Variants in IL1R2 observed in about 807,000 individuals in gnomAD.
IL1R2 encodes interleukin 1 receptor type 2.
Under a neutral mutation model 39.5 loss-of-function variants are expected in IL1R2, and 46 were observed. That is an observed-to-expected ratio of 1.16 (90% CI 0.92 to 1.49). IL1R2 has a LOEUF of 1.49. Ranked by LOEUF, IL1R2 falls within the 40% of genes most tolerant of loss-of-function variation. IL1R2 has a pLI of 0.00. For synonymous variants in IL1R2, 207 were observed against 189.6 expected, an observed-to-expected ratio of 1.09 and a Z score of -0.75; for missense variants, 537 against 502.0, an observed-to-expected ratio of 1.07 and a Z score of -0.67.
At chr2:102,014,577 T>G (rs1418439575) in intron 3 of IL1R2, among the ~76,000 whole-genome samples, 1 of 152,206 alleles carries the variant, frequency 6.6e-6, no homozygotes, top group Non-Finnish European at 1.5e-5. Flanking sequence ...AGATATTGGC[T>G]TCATATATTT....
Position 102,019,647 on chromosome 2 carries a change from C to T in IL1R2, c.523C>T (p.Leu175Phe). ...VKIQWYKDSLLLDKDNEKFLS... is the reference protein window; with the variant it reads ...VKIQWYKDSLFLDKDNEKFLS... ...AACATTTTCCCTTAAGGATTCTCTT[C>T]TTTTGGATAAAGACAATGAGAAATT... The change falls in exon 5 of 9, where the codon CTT becomes TTT. Residue 175 changes from leucine (L) to phenylalanine (F), a missense_variant. By Grantham distance (22) the Leu-to-Phe change is conservative (BLOSUM62 0). Coordinates refer to ENST00000332549, the MANE Select transcript of IL1R2 (RefSeq NM_004633.4). 3.7e-6 allele frequency: 6 copies of T among 1,610,536 alleles called. No individual in the cohort carries two copies. Among genetic ancestry groups the T allele is most frequent in the Non-Finnish European group, 5.1e-6 (6 of 1,177,744 alleles).
At chr2:102,002,487 G>GTGTCTGTGTCTC (rs1187313895) in intron 1 of IL1R2, among the ~76,000 whole-genome samples, 5 of 151,404 alleles carry the variant, frequency 3.3e-5, no homozygotes, top group African/African-American at 1.2e-4. Context: ...GTCTGTGTCT[G>GTGTCTGTGTCTC]TGTCTGTGTC....
intron 6 of IL1R2, 86 bp downstream of exon 6, chr2:102,022,335 C>A: frequency 9.4e-7 from 1 of 1,060,660 alleles, no homozygotes; most frequent in Non-Finnish European, 1.5e-6. Flanking sequence ...CTTGCGTCTG[C>A]TGATCATACC....
At position 102,009,670 on chromosome 2, in the gene IL1R2, C is replaced by A; in HGVS notation, c.176C>A (p.Ala59Asp). Reference sequence around the variant, plus strand: ...CCCCAGGTGCCCTACTGGTTGTGGGCCTCTGTCAGCCCCCGCATCAACCTG... The same window carrying A: ...CCCCAGGTGCCCTACTGGTTGTGGGACTCTGTCAGCCCCCGCATCAACCTG... The part of the protein sequence containing the change: ...RCPQVPYWLW[A>D]SVSPRINLTW... Residue 59 changes from alanine (A) to aspartate (D), a missense_variant, in exon 3 of 9, where the codon GCC becomes GAC. Coordinates refer to ENST00000332549, the MANE Select transcript of IL1R2 (RefSeq NM_004633.4). The A allele has an allele frequency of 6.2e-7, 1 of 1,614,184 alleles. No individual in the cohort carries two copies.
At chr2:102,027,388 C>G (rs1677804172) in intron 8 of IL1R2, among the ~76,000 whole-genome samples, 1 of 152,262 alleles carries the variant, frequency 6.6e-6, no homozygotes, top group South Asian at 2.1e-4. Flanking sequence ...ATGCTGGGAA[C>G]CTTTAAAATT....
chr2:102,019,585 CT>C, intron 4 of IL1R2, 52 bp from the exon 5 acceptor site: 1 of 1,233,032 alleles, frequency 8.1e-7, no homozygotes, highest in Admixed American at 2.1e-5. Context: ...AATTCATAGC[CT>C]TTGAGATGTA....
chr2:102,012,624 A>G (rs1008348309), intron 3 of IL1R2, among the ~76,000 whole-genome samples: 1 of 152,114 alleles, frequency 6.6e-6, no homozygotes, highest in African/African-American at 2.4e-5. Context: ...TACCATCCAT[A>G]TGTCTAGCCC....
At chr2:101,993,521 C>T (rs560702710) in intron 1 of IL1R2, among the ~76,000 whole-genome samples, 2 of 152,272 alleles carry the variant, frequency 1.3e-5, no homozygotes, top group South Asian at 4.1e-4. Flanking sequence ...CAGAAACAGA[C>T]TCAGGTGTCC....
chr2:102,006,414 C>T (rs748347561), intron 1 of IL1R2, among the ~76,000 whole-genome samples: 2 of 152,120 alleles, frequency 1.3e-5, no homozygotes, highest in Non-Finnish European at 2.9e-5. Flanking sequence ...GGGAATATCT[C>T]AGGTCACCAG....
chr2:102,018,335 G>A (rs1477834332), intron 4 of IL1R2, among the ~76,000 whole-genome samples: 1 of 152,208 alleles, frequency 6.6e-6, no homozygotes, highest in Non-Finnish European at 1.5e-5. Context: ...CAATGGGTCT[G>A]GGTTTGAAAC....
chr2:102,016,312 T>C, intron 4 of IL1R2: 1 of 293,642 alleles, frequency 3.4e-6, no homozygotes, highest in East Asian at 6.3e-5. Flanking sequence ...GTGCATCATC[T>C]ACTGTCACAT....
rs764119815 is a variant in IL1R2, at chr2:102,015,985, A to G, written c.447A>G (p.Val149=). The G allele has an allele frequency of 1.2e-6, 2 of 1,613,968 alleles. No homozygotes were observed. Among genetic ancestry groups the G allele is most frequent in the East Asian group, 2.2e-5 (1 of 44,876 alleles). ...TTTTAACCTTGTCAACCTCTGGGGT[A>G]TTAGTATGCCCTGACCTGAGTGAAT... is the stretch of plus-strand genomic sequence containing the variant. ...PQILTLSTSG[V]LVCPDLSEFT... Residue 149 remains valine, a synonymous_variant, in exon 4 of 9, where the codon GTA becomes GTG. Transcript: ENST00000332549.
At chr2:102,025,794 A>G (rs560652568) in intron 7 of IL1R2, among the ~76,000 whole-genome samples, 3 of 152,242 alleles carry the variant, frequency 2.0e-5, no homozygotes, top group East Asian at 3.9e-4. Flanking sequence ...TTCTGTTCCC[A>G]TGACTGTTTT....
chr2:102,013,558 G>GAAAA (rs1676788000), intron 3 of IL1R2, among the ~76,000 whole-genome samples: 24 of 33,716 alleles, frequency 7.1e-4, no homozygotes, highest in East Asian at 8.9e-4. Flanking sequence ...AAAAAGGAAA[G>GAAAA]AAAGAAAAGA....
At chr2:101,999,367 A>G (rs1172710939) in intron 1 of IL1R2, among the ~76,000 whole-genome samples, 1 of 152,210 alleles carries the variant, frequency 6.6e-6, no homozygotes, top group Non-Finnish European at 1.5e-5. Context: ...TCCAGTTACT[A>G]ATTAACTTTA....
intron 1 of IL1R2, among the ~76,000 whole-genome samples, chr2:102,006,297 A>C (rs1337361235): frequency 6.6e-6 from 1 of 152,226 alleles, no homozygotes; most frequent in East Asian, 1.9e-4. Context: ...CAGTATGGTT[A>C]GGGGTAAAGT....
intron 1 of IL1R2, among the ~76,000 whole-genome samples, chr2:102,005,487 G>A (rs1676205147): frequency 6.6e-6 from 1 of 152,166 alleles, no homozygotes; most frequent in Non-Finnish European, 1.5e-5. Flanking sequence ...CATAAAAAAG[G>A]TAGTCCAGGG....
At chr2:102,011,673 G>C (rs112965003) in intron 3 of IL1R2, among the ~76,000 whole-genome samples, 1 of 152,144 alleles carries the variant, frequency 6.6e-6, no homozygotes, top group African/African-American at 2.4e-5. Context: ...CAGATATATA[G>C]TTAGAAATAT....
chr2:102,008,055 G>C (rs1676373144), intron 1 of IL1R2, among the ~76,000 whole-genome samples: 1 of 152,216 alleles, frequency 6.6e-6, no homozygotes, highest in African/African-American at 2.4e-5. Flanking sequence ...AGACAAGGCT[G>C]ATGATGAATG....
Sources: allele counts gnomAD v4.1 joint callset (sites outside exome capture counted in the v4.1 genomes callset), GRCh38; gene constraint gnomAD v4.1.1; transcripts MANE v1.5; gene names NCBI Gene and HGNC (gene_info 2026-07-23, HGNC 2026-07-21).